MB21D2: variants seen among roughly 807,000 people sequenced by gnomAD.
MB21D2 encodes the protein nucleotidyltransferase MB21D2.
MB21D2 carries 9 observed loss-of-function variants against 33.3 expected under a neutral mutation model. That is an observed-to-expected ratio of 0.27 (90% CI 0.16 to 0.47). The LOEUF (loss-of-function observed/expected upper bound fraction) is 0.47. Ranked by LOEUF, MB21D2 falls within the 20% of genes least tolerant of loss-of-function variation. The pLI is 0.99. For missense variants in MB21D2, 540 were observed against 624.6 expected, an observed-to-expected ratio of 0.86 and a Z score of 1.44; for synonymous variants, 241 against 236.3, an observed-to-expected ratio of 1.02 and a Z score of -0.18.
intron 1 of MB21D2, among the ~76,000 whole-genome samples, chr3:192,875,643 C>T (rs1006017230): frequency 6.6e-6 from 1 of 152,066 alleles, no homozygotes; most frequent in African/African-American, 2.4e-5. Context: ...AATGGATGTA[C>T]AAATGGAGTA....
At chr3:192,877,451 G>A (rs554012532) in intron 1 of MB21D2, among the ~76,000 whole-genome samples, 6 of 152,208 alleles carry the variant, frequency 3.9e-5, no homozygotes, top group South Asian at 2.1e-4. Context: ...CAGGTCATGC[G>A]TATCCTTTAA....
At chr3:192,907,654 C>A (rs1714242045) in intron 1 of MB21D2, among the ~76,000 whole-genome samples, 2 of 152,258 alleles carry the variant, frequency 1.3e-5, no homozygotes, top group Admixed American at 1.3e-4. Flanking sequence ...TAATACCATA[C>A]CAAATGTGAA....
At chr3:192,875,054 G>T (rs1024282841) in intron 1 of MB21D2, among the ~76,000 whole-genome samples, 1 of 151,632 alleles carries the variant, frequency 6.6e-6, no homozygotes, top group Non-Finnish European at 1.5e-5. Context: ...ATCCTAATTT[G>T]GGTGTGCCAC....
intron 1 of MB21D2, among the ~76,000 whole-genome samples, chr3:192,808,917 T>C (rs760383032): frequency 2.6e-5 from 4 of 152,188 alleles, no homozygotes; most frequent in Non-Finnish European, 4.4e-5. Flanking sequence ...ATGACACACA[T>C]AACAGCAAAA....
At chr3:192,831,741 T>TA (rs1349508457) in intron 1 of MB21D2, among the ~76,000 whole-genome samples, 3 of 152,124 alleles carry the variant, frequency 2.0e-5, no homozygotes, top group South Asian at 2.1e-4. Context: ...GGGAGCATCT[T>TA]AAAAAAATCA....
At position 192,821,741 on chromosome 3, in the gene MB21D2, T is replaced by G. The variant is rs911730985; in HGVS notation, c.212-22091A>C. Among the ~76,000 whole-genome samples, 5 of 152,010 alleles carry G rather than the reference T, an allele frequency of 3.3e-5. No individual in the cohort carries two copies. In the East Asian group the frequency reaches 5.8e-4, roughly 18 times the overall value. ...AACACCAGCCCTGCCACAGTGGGAG[T>G]TGGATTCAGAGTTGACTGAGTGATT... On this transcript the variant is annotated intron_variant, in intron 1 of 1. Transcript: ENST00000392452.
chr3:192,902,428 G>T (rs577788435), intron 1 of MB21D2, among the ~76,000 whole-genome samples: 1 of 152,312 alleles, frequency 6.6e-6, no homozygotes, highest in East Asian at 1.9e-4. Context: ...TATCTATAAA[G>T]TGCGGACAGG....
At chr3:192,871,100 C>G (rs540971968) in intron 1 of MB21D2, among the ~76,000 whole-genome samples, 44 of 152,284 alleles carry the variant, frequency 2.9e-4, no homozygotes, top group African/African-American at 1.0e-3. Context: ...ATGAAAGTTT[C>G]CACCTGTGAA....
At chr3:192,900,341 A>G (rs1714069035) in intron 1 of MB21D2, among the ~76,000 whole-genome samples, 1 of 151,760 alleles carries the variant, frequency 6.6e-6, no homozygotes, top group Non-Finnish European at 1.5e-5. Context: ...AAAAGAGAAA[A>G]GCAGTCACCA....
rs1435844071 is a variant in MB21D2, at chr3:192,833,689, C to T, written c.212-34039G>A. ...TCCATAATCAACCTTCAGAACAACCCTAGAACTCTGGGTGCACGTAGTGTC... is the reference window on the plus strand; with the variant it reads ...TCCATAATCAACCTTCAGAACAACCTTAGAACTCTGGGTGCACGTAGTGTC... On this transcript the variant is annotated intron_variant, in intron 1 of 1. Transcript: ENST00000392452. Among the ~76,000 whole-genome samples the T allele has an allele frequency of 2.6e-5, 4 of 152,258 alleles. No homozygotes were observed. The East Asian group carries it at 7.7e-4, about 29-fold the overall frequency.
At position 192,882,703 on chromosome 3, in the gene MB21D2, T is replaced by C. The variant is rs180885579; in HGVS notation, c.211+34927A>G. Among the ~76,000 whole-genome samples the C allele has an allele frequency of 9.3e-4, 141 of 152,168 alleles. 1 individual carries two copies. The highest frequency in any genetic ancestry group is 2.8e-3 in the African/African-American group (116 of 41,426). On this transcript the variant is annotated intron_variant, in intron 1 of 1. Transcript: ENST00000392452. ...GTAGAACTAAGATCCCCAGATGTGA[T>C]TGGTTTACTGCCCTACAGGACATCA...
chr3:192,823,423 G>A (rs963354874), intron 1 of MB21D2, among the ~76,000 whole-genome samples: 1 of 152,186 alleles, frequency 6.6e-6, no homozygotes, highest in African/African-American at 2.4e-5. Context: ...GGAGGCCGAG[G>A]CAGGTGGATC....
At position 192,799,999 on chromosome 3, in the gene MB21D2, G is replaced by A. The variant is rs1711522468; in HGVS notation, c.212-349C>T. Among the ~76,000 whole-genome samples, 1 of 152,060 alleles carries A rather than the reference G, an allele frequency of 6.6e-6. No homozygotes were observed. Among genetic ancestry groups the A allele is most frequent in the Admixed American group, 6.6e-5 (1 of 15,254 alleles). On this transcript the variant is annotated intron_variant, in intron 1 of 1. Coordinates refer to ENST00000392452, the MANE Select transcript of MB21D2 (RefSeq NM_178496.4). The surrounding 1 kb of genome is among the most constrained non-coding windows in gnomAD (Gnocchi z 4.1). The stretch of plus-strand genomic sequence containing the variant: ...AAACCTCAGTACATTTCAACTCTTT[G>A]CTGCCCTTCTACTGCCAAATCTTTT...
chr3:192,868,136 G>C (rs1293146234), intron 1 of MB21D2, among the ~76,000 whole-genome samples: 1 of 152,146 alleles, frequency 6.6e-6, no homozygotes, highest in African/African-American at 2.4e-5. Flanking sequence ...ACGGATACAG[G>C]GATCTATAAA....
At chr3:192,900,284 C>CAA (rs66984849) in intron 1 of MB21D2, among the ~76,000 whole-genome samples, 4,917 of 90,878 alleles carry the variant, frequency 0.054, 188 homozygotes, top group African/African-American at 0.07. Context: ...GACTCTGTCT[C>CAA]AAAAAAAAAA....
intron 1 of MB21D2, among the ~76,000 whole-genome samples, chr3:192,887,971 G>A (rs1023165524): frequency 6.6e-6 from 1 of 152,026 alleles, no homozygotes; most frequent in Non-Finnish European, 1.5e-5. Context: ...GAGGAACAAG[G>A]CAACAGGGGA....
chr3:192,907,890 C>A (rs1222970749), intron 1 of MB21D2, among the ~76,000 whole-genome samples: 1 of 152,140 alleles, frequency 6.6e-6, no homozygotes, highest in Non-Finnish European at 1.5e-5. Context: ...TGCCAGAGGT[C>A]CGGAAGTACC....
chr3:192,873,712 T>C (rs1040188867), intron 1 of MB21D2, among the ~76,000 whole-genome samples: 1 of 152,150 alleles, frequency 6.6e-6, no homozygotes, highest in Non-Finnish European at 1.5e-5. Flanking sequence ...TTTGTTTTTG[T>C]TTTTGTTTTG....
At chr3:192,895,499 G>A (rs1255801659) in intron 1 of MB21D2, among the ~76,000 whole-genome samples, 1 of 152,192 alleles carries the variant, frequency 6.6e-6, no homozygotes, top group African/African-American at 2.4e-5. Flanking sequence ...CTGCAGAGAG[G>A]CAAAGACTCT....
Sources: gnomAD v4.1 joint callset for allele counts (sites outside exome capture counted in the v4.1 genomes callset) on GRCh38, gnomAD v4.1.1 for gene constraint, Gnocchi (gnomAD v3.1) non-coding constraint, MANE v1.5 for transcripts, NCBI Gene and HGNC (gene_info 2026-07-23, HGNC 2026-07-21) for gene names.